Variants in AP3M2 observed in about 807,000 individuals in gnomAD.
AP3M2 encodes the protein adaptor related protein complex 3 subunit mu 2.
In AP3M2, 28 loss-of-function variants were observed where a neutral mutation model predicts 41.6. That is an observed-to-expected ratio of 0.67 (90% CI 0.50 to 0.92). The LOEUF (loss-of-function observed/expected upper bound fraction) is 0.92, where lower values mean the gene tolerates loss of function less well. Among genes scored for constraint, AP3M2 ranks in the 40% least tolerant of loss-of-function variants. The probability of loss-of-function intolerance (pLI) is 0.00; values close to 1 mark genes in which losing one functional copy is unlikely to be tolerated. For synonymous variants in AP3M2, 193 were observed against 186.4 expected, an observed-to-expected ratio of 1.04 and a Z score of -0.29; for missense variants, 427 against 521.4, an observed-to-expected ratio of 0.82 and a Z score of 1.76.
Position 42,170,325 on chromosome 8 carries a change from CTG to C in AP3M2, c.*1265_*1266del, listed in dbSNP as rs1178501827. On this transcript the variant is annotated 3_prime_UTR_variant, in exon 9 of 9. Coordinates refer to ENST00000396926, the MANE Select transcript of AP3M2 (RefSeq NM_006803.4). ...AAGACAAAACATTTCTCCTAAATCT[CTG>C]AATAAAATCAGTGCTGTAGGAAGAT... 32 of 152,188 alleles carry C rather than the reference CTG, an allele frequency of 2.1e-4. 1 individual carries two copies. Among genetic ancestry groups the C allele is most frequent in the Admixed American group, 2.0e-3 (30 of 15,274 alleles). The allele number at this position is 152,188 out of a possible 1,614,324, so 9.4% of individuals were successfully genotyped here.
chr8:42,153,639 G>T lies in AP3M2; in HGVS notation c.-73+534G>T, dbSNP rs1312828956. The T allele has an allele frequency of 4.6e-5, 7 of 152,268 alleles. No homozygotes were observed. In the East Asian group the frequency reaches 1.3e-3, roughly 29 times the overall value. The allele number at this position is 152,268 out of a possible 1,614,324, so 9.4% of individuals were successfully genotyped here. ...GATGCAACCGTCTGAGGGCCTTGGG[G>T]TGTCTGTCCCCCAGGGAAATTTTTT... On this transcript the variant is annotated intron_variant, in intron 1 of 8. Coordinates refer to ENST00000396926, the MANE Select transcript of AP3M2 (RefSeq NM_006803.4).
intron 2 of AP3M2, among the ~76,000 whole-genome samples, chr8:42,156,261 G>A (rs1804352017): frequency 6.6e-6 from 1 of 152,218 alleles, no homozygotes; most frequent in African/African-American, 2.4e-5. Flanking sequence ...TTGAAACCAT[G>A]GGGGAATTTG....
chr8:42,167,517 C>T lies in AP3M2; in HGVS notation c.1011+146C>T, dbSNP rs142116966. On this transcript the variant is annotated intron_variant, in intron 7 of 8. Coordinates refer to ENST00000396926, the MANE Select transcript of AP3M2 (RefSeq NM_006803.4). The stretch of plus-strand genomic sequence containing the variant: ...CCTGCCAGGTAACTTAACAGTAACA[C>T]GTAGGATTCTCAATGGAAAGATACC... 190 of 1,349,716 alleles carry T rather than the reference C, an allele frequency of 1.4e-4. 4 individuals carry two copies. The East Asian group carries it at 3.7e-3, about 26-fold the overall frequency. The allele number at this position is 1,349,716 out of a possible 1,614,324, so 83.6% of individuals were successfully genotyped here. A position where few individuals can be genotyped will look rare whatever the true frequency, so the allele number is the denominator to read the frequency against.
At position 42,170,430 on chromosome 8, in the gene AP3M2, C is replaced by T. The variant is rs1804767453; in HGVS notation, c.*1369C>T. 1 of 152,090 alleles carries T rather than the reference C, an allele frequency of 6.6e-6. No homozygotes were observed. The highest frequency in any genetic ancestry group is 2.4e-5 in the African/African-American group (1 of 41,416). 9.4% of individuals were successfully genotyped at this position (152,090 alleles called of 1,614,324 possible). On this transcript the variant is annotated 3_prime_UTR_variant, in exon 9 of 9. Coordinates refer to ENST00000396926, the MANE Select transcript of AP3M2 (RefSeq NM_006803.4). ...AAAGGGATACCTCAGGCTTTCTTTC[C>T]CAGTGGGTCATTTTTGTCCTAGTTC...
At position 42,154,744 on chromosome 8, in the gene AP3M2, T is replaced by C. The variant is rs1353847259; in HGVS notation, c.57T>C (p.His19=). 18 of 1,614,054 alleles carry C rather than the reference T, an allele frequency of 1.1e-5. 1 individual carries two copies. The highest frequency in any genetic ancestry group is 6.7e-5 in the African/African-American group (5 of 74,920). ...CTGGAGACATTTTCCTGGAGAAACA[T>C]TGGAAAAGTGTGGTCAGCCGTTCTG... ...NSSGDIFLEK[H]WKSVVSRSVC... is the part of the protein sequence containing the mutation. Residue 19 remains histidine, a synonymous_variant, in exon 2 of 9, where the codon CAT becomes CAC. Transcript: ENST00000396926.
chr8:42,166,740 C>T (rs1804648822), intron 6 of AP3M2, among the ~76,000 whole-genome samples: 1 of 151,824 alleles, frequency 6.6e-6, no homozygotes, highest in Non-Finnish European at 1.5e-5. Flanking sequence ...GCACTCCAAC[C>T]AGGCTGACCG....
intron 3 of AP3M2, among the ~76,000 whole-genome samples, chr8:42,161,906 C>T (rs1322060084): frequency 1.3e-5 from 2 of 152,124 alleles, no homozygotes; most frequent in African/African-American, 4.8e-5. Context: ...ATCTCAGGCT[C>T]AAATACTGTT....
chr8:42,166,591 C>CAAAAAAAG (rs758103377), intron 6 of AP3M2, among the ~76,000 whole-genome samples: 3 of 77,056 alleles, frequency 3.9e-5, no homozygotes, highest in Middle Eastern at 7.1e-3. Flanking sequence ...CTTGTCTCTA[C>CAAAAAAAG]AAAAAAAAAA....
At chr8:42,165,313 C>CTGTG (rs150897190) in intron 5 of AP3M2, 114 bp from the exon 6 acceptor site, 3 of 1,402,206 alleles carry the variant, frequency 2.1e-6, no homozygotes, top group East Asian at 2.3e-5. Flanking sequence ...TACATGATTT[C>CTGTG]TGTGTGTGTG....
chr8:42,167,632 A>G (rs1804676117), intron 7 of AP3M2, 34 bp from the exon 8 acceptor site: 2 of 1,590,970 alleles, frequency 1.3e-6, no homozygotes, highest in African/African-American at 1.4e-5. Flanking sequence ...TATTTTTTGG[A>G]AAGACCACTT....
Position 42,154,671 on chromosome 8 carries a change from C to G in AP3M2, c.-17C>G, listed in dbSNP as rs923915092. The stretch of plus-strand genomic sequence containing the variant: ...CAGACTGAAAAAGGCTTTCTTCTGT[C>G]ACTGACAATCGCCACCATGATCCAT... On this transcript the variant is annotated 5_prime_UTR_variant, in exon 2 of 9. Transcript: ENST00000396926. The G allele has an allele frequency of 6.2e-7, 1 of 1,611,594 alleles. No homozygotes were observed. Among genetic ancestry groups the G allele is most frequent in the Non-Finnish European group, 8.5e-7 (1 of 1,178,688 alleles).
chr8:42,164,958 A>G (rs1224733355), intron 4 of AP3M2, 113 bp from the exon 5 acceptor site: 2 of 817,486 alleles, frequency 2.4e-6, no homozygotes, highest in Non-Finnish European at 3.8e-6. Flanking sequence ...AAGGGGAGGG[A>G]GAGAGAGGAA....
chr8:42,166,220 A>C (rs762011635), intron 6 of AP3M2, among the ~76,000 whole-genome samples: 2 of 152,208 alleles, frequency 1.3e-5, no homozygotes, highest in Non-Finnish European at 2.9e-5. Flanking sequence ...TCAGTTAAGT[A>C]TAAGGACATC....
At chr8:42,163,045 A>G (rs1446832961) in intron 4 of AP3M2, among the ~76,000 whole-genome samples, 1 of 152,134 alleles carries the variant, frequency 6.6e-6, no homozygotes, top group African/African-American at 2.4e-5. Flanking sequence ...TGGCAGAACT[A>G]AAGTTGTAAT....
intron 2 of AP3M2, among the ~76,000 whole-genome samples, chr8:42,155,172 G>C (rs1438763850): frequency 1.3e-5 from 2 of 152,134 alleles, no homozygotes; most frequent in African/African-American, 2.4e-5. Context: ...AACCTCTTGC[G>C]TGGGAAAGTC....
At position 42,157,925 on chromosome 8, in the gene AP3M2, A is replaced by T; in HGVS notation, c.274-16A>T. 1.2e-6 allele frequency: 2 copies of T among 1,607,474 alleles called. No individual in the cohort carries two copies. The highest frequency in any genetic ancestry group is 1.7e-6 in the Non-Finnish European group (2 of 1,174,298). ...CAGTATCTGAGTGATCAATGTGTAT[A>T]TTCTGTCTCCATCAGGATTATTTTG... is the stretch of plus-strand genomic sequence containing the variant. On this transcript the variant is annotated splice_polypyrimidine_tract_variant and intron_variant, in intron 2 of 8. Coordinates refer to ENST00000396926, the MANE Select transcript of AP3M2 (RefSeq NM_006803.4).
rs1048198978 is a variant in AP3M2, at chr8:42,154,828, G to A, written c.141G>A (p.Pro47=). The part of the protein sequence containing the change: ...ERATEAENVP[P]VIPTPHHYLL... ...CTACTGAGGCAGAAAATGTGCCTCC[G>A]GTTATCCCTACCCCTCACCACTATC... Residue 47 remains proline (P), a synonymous_variant, in exon 2 of 9, where the codon CCG becomes CCA. Coordinates refer to ENST00000396926, the MANE Select transcript of AP3M2 (RefSeq NM_006803.4). The A allele has an allele frequency of 2.5e-6, 4 of 1,613,930 alleles. No individual in the cohort carries two copies. The highest frequency in any genetic ancestry group is 2.2e-5 in the East Asian group (1 of 44,888).
chr8:42,158,659 A>G (rs182136451), intron 3 of AP3M2, among the ~76,000 whole-genome samples: 1 of 152,332 alleles, frequency 6.6e-6, no homozygotes, highest in African/African-American at 2.4e-5. Flanking sequence ...CTGATTACAG[A>G]AGAAACACAT....
intron 6 of AP3M2, among the ~76,000 whole-genome samples, chr8:42,166,020 T>C (rs1391507863): frequency 6.6e-6 from 1 of 152,164 alleles, no homozygotes; most frequent in Non-Finnish European, 1.5e-5. Flanking sequence ...TGGAAGCAGT[T>C]TTGTATAGTA....
Sources: gnomAD v4.1 joint callset for allele counts (sites outside exome capture counted in the v4.1 genomes callset) on GRCh38, gnomAD v4.1.1 for gene constraint, MANE v1.5 for transcripts, NCBI Gene and HGNC (gene_info 2026-07-23, HGNC 2026-07-21) for gene names.